ZBBX: variants seen among roughly 807,000 people sequenced by gnomAD.
ZBBX encodes the protein zinc finger B-box domain containing, also known as zinc finger B-box domain-containing protein 1.
In ZBBX, 101 loss-of-function variants were observed where a neutral mutation model predicts 108.5. That is an observed-to-expected ratio of 0.93 (90% confidence interval 0.79 to 1.10). ZBBX has a LOEUF of 1.10. Ranked by LOEUF, ZBBX falls within the 50% of genes least tolerant of loss-of-function variation. The pLI is 0.00. For synonymous variants in ZBBX, 356 were observed against 323.4 expected (o/e 1.10, Z -1.08); for missense variants, 1,009 against 941.4 (o/e 1.07, Z -0.94).
chr3:167,180,049 A>G, the ZBBX span, among the ~76,000 whole-genome samples: 6 of 152,332 alleles, frequency 3.9e-5, no homozygotes, highest in Non-Finnish European at 7.4e-5. Context: ...ATAAGAAGTC[A>G]AAGTCTGTGA....
intron 2 of ZBBX, among the ~76,000 whole-genome samples, chr3:167,374,008 A>G (rs1406932648): frequency 6.6e-6 from 1 of 152,202 alleles, no homozygotes; most frequent in Admixed American, 6.5e-5. Context: ...TAAAGCACAT[A>G]TTCTGGCTCT....
chr3:167,320,757 AAG>A (rs1185256048), intron 12 of ZBBX, among the ~76,000 whole-genome samples: 1 of 152,036 alleles, frequency 6.6e-6, no homozygotes, highest in African/African-American at 2.4e-5. Context: ...CGCACTGAGA[AAG>A]ACACATACTC....
chr3:167,249,282 G>C (rs1454692053), intron 20 of ZBBX, among the ~76,000 whole-genome samples: 1 of 152,170 alleles, frequency 6.6e-6, no homozygotes, highest in African/African-American at 2.4e-5. Flanking sequence ...ATAAGTGTAG[G>C]CTTTCTATAG....
intron 9 of ZBBX, among the ~76,000 whole-genome samples, chr3:167,346,625 G>C (rs150854193): frequency 4.5e-4 from 69 of 151,862 alleles, no homozygotes; most frequent in Middle Eastern, 3.4e-3. Context: ...TTCATCTGTC[G>C]GATGTCTTCC....
intron 12 of ZBBX, among the ~76,000 whole-genome samples, chr3:167,319,729 C>G (rs969111901): frequency 1.3e-5 from 2 of 151,840 alleles, no homozygotes; most frequent in African/African-American, 4.8e-5. Context: ...AATTAATTGT[C>G]CCTTGTTTCT....
chr3:167,204,047 A>G, the ZBBX span, among the ~76,000 whole-genome samples: 3 of 152,140 alleles, frequency 2.0e-5, no homozygotes, highest in African/African-American at 4.8e-5. Context: ...ACAACAGACA[A>G]TGTACTGAAT....
At chr3:167,316,929 A>G (rs1735557294) in intron 14 of ZBBX, 76 bp downstream of exon 14, 1 of 772,022 alleles carries the variant, frequency 1.3e-6, no homozygotes, top group Admixed American at 2.8e-5. Context: ...TATTGAAAAT[A>G]ATATGCAGAT....
chr3:167,348,567 CTA>C (rs565930685), intron 9 of ZBBX, among the ~76,000 whole-genome samples: 85 of 151,906 alleles, frequency 5.6e-4, no homozygotes, highest in Admixed American at 2.1e-3. Context: ...AAATGTGTAT[CTA>C]TATATATGTC....
At chr3:167,340,508 AAT>A (rs1220897605) in intron 9 of ZBBX, among the ~76,000 whole-genome samples, 1 of 152,074 alleles carries the variant, frequency 6.6e-6, no homozygotes, top group Non-Finnish European at 1.5e-5. Context: ...ACATTATTAA[AAT>A]ATGTTTTATA....
chr3:167,392,955 G>A (rs1019694008), intron 1 of ZBBX: 11 of 151,780 alleles, frequency 7.2e-5, no homozygotes, highest in African/African-American at 2.7e-4. Context: ...CATACTAAAG[G>A]AACTTAAAGC....
At chr3:167,231,667 G>A in the ZBBX span, among the ~76,000 whole-genome samples, 1 of 151,804 alleles carries the variant, frequency 6.6e-6, no homozygotes, top group South Asian at 2.1e-4. Flanking sequence ...CTATTTTGCA[G>A]TGGAAGACAT....
At chr3:167,345,841 T>C (rs1057259247) in intron 9 of ZBBX, among the ~76,000 whole-genome samples, 1 of 151,616 alleles carries the variant, frequency 6.6e-6, no homozygotes, top group Admixed American at 6.6e-5. Context: ...TAACCAAAAC[T>C]GCATGGAAAT....
chr3:167,277,070 G>T (rs1445182038), intron 20 of ZBBX, among the ~76,000 whole-genome samples: 3 of 151,956 alleles, frequency 2.0e-5, no homozygotes, highest in Admixed American at 2.0e-4. Flanking sequence ...CACCAGGCCT[G>T]CCCTAAAAGA....
chr3:167,377,299 G>A (rs1747116936), intron 2 of ZBBX, among the ~76,000 whole-genome samples: 1 of 152,146 alleles, frequency 6.6e-6, no homozygotes, highest in South Asian at 2.1e-4. Flanking sequence ...AGAGCATTCA[G>A]CCAGAGGTGC....
At chr3:167,336,167 A>C (rs1739515300) in intron 9 of ZBBX, among the ~76,000 whole-genome samples, 1 of 152,050 alleles carries the variant, frequency 6.6e-6, no homozygotes. Context: ...CAAAACAAAG[A>C]TTATTTCTGT....
At chr3:167,312,175 C>CA (rs1734703820) in intron 16 of ZBBX, among the ~76,000 whole-genome samples, 3 of 151,884 alleles carry the variant, frequency 2.0e-5, no homozygotes, top group Admixed American at 1.3e-4. Flanking sequence ...TTAAAGAATC[C>CA]AATTATTAAA....
chr3:167,266,684 G>C (rs1218654251), intron 20 of ZBBX, among the ~76,000 whole-genome samples: 1 of 152,230 alleles, frequency 6.6e-6, no homozygotes, highest in Non-Finnish European at 1.5e-5. Flanking sequence ...CCTTTGTTCA[G>C]TGTGCACTTG....
chr3:167,388,161 A>G (rs1747974980), intron 1 of ZBBX, among the ~76,000 whole-genome samples: 1 of 151,986 alleles, frequency 6.6e-6, no homozygotes, highest in Admixed American at 6.6e-5. Context: ...TCTGAGCAAC[A>G]TTTGCAAAGA....
chr3:167,201,631 A>T, the ZBBX span, among the ~76,000 whole-genome samples: 1 of 152,118 alleles, frequency 6.6e-6, no homozygotes, highest in South Asian at 2.1e-4. Flanking sequence ...AGAACTGGCT[A>T]ACTTTTCATG....
Sources: gnomAD v4.1 joint callset for allele counts (sites outside exome capture counted in the v4.1 genomes callset) on GRCh38, gnomAD v4.1.1 for gene constraint, MANE v1.5 for transcripts, NCBI Gene and HGNC (gene_info 2026-07-23, HGNC 2026-07-21) for gene names.